The following DOCK8 variants were observed in gnomAD, a reference collection of about 807,000 sequenced individuals.
DOCK8 encodes dedicator of cytokinesis protein 8.
Under a neutral mutation model 245.6 loss-of-function variants are expected in DOCK8, and 141 were observed. That is an observed-to-expected ratio of 0.57 (90% CI 0.50 to 0.66). DOCK8 has a LOEUF of 0.66. DOCK8 is among the 30% of genes least tolerant of loss of function. The pLI, the probability that DOCK8 is intolerant of heterozygous loss-of-function variation, is 0.00. For synonymous variants in DOCK8, 1,168 were observed against 970.2 expected (o/e 1.20, Z -3.79); for missense variants, 2,965 against 2,603.4 (o/e 1.14, Z -3.02).
Position 443,610 on chromosome 9 carries a change from C to T in DOCK8, c.5580+94C>T, listed in dbSNP as rs2131824649. On this transcript the variant is annotated intron_variant, in intron 43 of 47. Coordinates refer to ENST00000432829, the MANE Select transcript of DOCK8 (RefSeq NM_203447.4). ...AATGATCTCATCTATCTGGACTCTC[C>T]AAGTCACTTAAATGCAGTCAAACCT... 4 of 1,016,778 alleles carry T rather than the reference C, an allele frequency of 3.9e-6. No individual in the cohort carries two copies. The South Asian group carries it at 4.0e-5, about 10-fold the overall frequency. The allele number at this position is 1,016,778 out of a possible 1,614,324, so 63.0% of individuals were successfully genotyped here. A position where few individuals can be genotyped will look rare whatever the true frequency, so the allele number is the denominator to read the frequency against.
intron 14 of DOCK8, chr9:365,574 C>CTTT: frequency 2.4e-6 from 1 of 424,150 alleles, no homozygotes; most frequent in South Asian, 1.7e-5. Context: ...TCAGAGAAGG[C>CTTT]TTTTTTTTTT....
At chr9:450,242 A>C (rs1011110807) in intron 45 of DOCK8, among the ~76,000 whole-genome samples, 2 of 152,198 alleles carry the variant, frequency 1.3e-5, no homozygotes, top group Admixed American at 6.5e-5. Context: ...AGTCATGTTG[A>C]AGAATGCTTA....
intron 46 of DOCK8, chr9:452,382 G>A (rs561560396): frequency 3.8e-4 from 91 of 237,020 alleles, no homozygotes; most frequent in Non-Finnish European, 4.3e-4. Flanking sequence ...TAACTAACAC[G>A]TCAACTATGA....
chr9:325,637 A>G (rs769881558), intron 7 of DOCK8, 34 bp from the exon 8 acceptor site: 2 of 1,594,032 alleles, frequency 1.3e-6, no homozygotes, highest in African/African-American at 1.3e-5. Context: ...ATCTAACTCA[A>G]AGCCACATAG....
chr9:328,068 G>T lies in DOCK8; in HGVS notation c.941G>T (p.Gly314Val), dbSNP rs372437204. ...GACCTGAACTCTGACCAGTTCAAAG[G>T]ATTTCTGCGAGCTCACACGCCTTCA... ...HCDLNSDQFK[G>V]FLRAHTPSVA... The change falls in exon 9 of 48, where the codon GGA (glycine) becomes GTA (valine). Residue 314 changes from glycine (G) to valine (V), a missense_variant. This residue lies in a region of DOCK8 where 2,825 missense variants were observed against 2,453.5 expected (regional missense o/e 1.15). Transcript: ENST00000432829. 6 of 1,614,152 alleles carry T rather than the reference G, an allele frequency of 3.7e-6. No individual in the cohort carries two copies. In the East Asian group the frequency reaches 8.9e-5, roughly 24 times the overall value.
intron 26 of DOCK8, among the ~76,000 whole-genome samples, chr9:403,967 T>TATATAC (rs2055284873): frequency 4.4e-5 from 4 of 91,122 alleles, no homozygotes; most frequent in African/African-American, 2.8e-4. Flanking sequence ...TATGTATATA[T>TATATAC]ATATATATGT....
upstream of DOCK8, among the ~76,000 whole-genome samples, chr9:211,684 G>C (rs1769285616): frequency 6.6e-6 from 1 of 152,130 alleles, no homozygotes; most frequent in Admixed American, 6.6e-5. Flanking sequence ...AAAAGTTAGA[G>C]CTGACGTATT....
chr9:227,263 G>A (rs1179258461), intron 1 of DOCK8, among the ~76,000 whole-genome samples: 1 of 152,216 alleles, frequency 6.6e-6, no homozygotes, highest in Non-Finnish European at 1.5e-5. Flanking sequence ...TATGAAAATT[G>A]GAAATTAGAC....
intron 14 of DOCK8, among the ~76,000 whole-genome samples, chr9:347,652 C>T (rs1056691233): frequency 1.3e-5 from 2 of 152,280 alleles, no homozygotes; most frequent in East Asian, 3.9e-4. Context: ...GCAGCCCAGG[C>T]AAAATCTAGT....
chr9:409,850 C>T (rs1005800553), intron 28 of DOCK8, among the ~76,000 whole-genome samples: 1 of 151,908 alleles, frequency 6.6e-6, no homozygotes, highest in Non-Finnish European at 1.5e-5. Flanking sequence ...TCAGCTTCAT[C>T]CATGTCCCTA....
At chr9:222,311 A>G (rs2046900713) in intron 1 of DOCK8, among the ~76,000 whole-genome samples, 2 of 152,150 alleles carry the variant, frequency 1.3e-5, no homozygotes, top group Admixed American at 6.5e-5. Context: ...ACTTTTCACA[A>G]TAGTGTATAG....
chr9:256,164 T>C (rs79828335), intron 1 of DOCK8, among the ~76,000 whole-genome samples: 4,885 of 152,290 alleles, frequency 0.032, 249 homozygotes, highest in African/African-American at 0.11. Context: ...GGGGAAATAG[T>C]GGATAGATCA....
intron 45 of DOCK8, 68 bp downstream of exon 45, chr9:449,995 C>T (rs958153498): frequency 8.3e-6 from 13 of 1,559,660 alleles, no homozygotes; most frequent in Non-Finnish European, 1.1e-5. Flanking sequence ...ACGTCTGCAC[C>T]CTTCTTCCTT....
At chr9:441,711 G>T (rs2057100043) in intron 41 of DOCK8, among the ~76,000 whole-genome samples, 164 bp from the exon 42 acceptor site, 1 of 152,182 alleles carries the variant, frequency 6.6e-6, no homozygotes, top group Non-Finnish European at 1.5e-5. Context: ...TATTTCTGAA[G>T]TTTATTCCAT....
upstream of DOCK8, chr9:214,520 T>C (rs1005330391): frequency 1.2e-6 from 2 of 1,613,208 alleles, no homozygotes; most frequent in East Asian, 2.2e-5. Context: ...TACGAATCCC[T>C]GGGGTGATTC....
chr9:281,414 A>C (rs1323967108), intron 2 of DOCK8, among the ~76,000 whole-genome samples: 7 of 152,354 alleles, frequency 4.6e-5, no homozygotes, highest in African/African-American at 1.7e-4. Flanking sequence ...AGGAGACCAC[A>C]TATAGCAGAA....
At position 418,125 on chromosome 9, in the gene DOCK8, G is replaced by T. The variant is rs774890293; in HGVS notation, c.3758G>T (p.Gly1253Val). Residue 1253 changes from glycine (G) to valine (V), a missense_variant, in exon 30 of 48, where the codon GGT becomes GTT. This residue lies in a region of DOCK8 where 2,825 missense variants were observed against 2,453.5 expected (regional missense o/e 1.15). Transcript: ENST00000432829. ...TCGGATGAAGAACAAGAAGGAGCCG[G>T]TGCCATTAACCAGAATGTGGCTCTG... The part of the protein sequence containing the change: ...SGSDEEQEGA[G>V]AINQNVALAI... The T allele has an allele frequency of 1.4e-5, 22 of 1,614,110 alleles. No individual in the cohort carries two copies. Among genetic ancestry groups the T allele is most frequent in the Non-Finnish European group, 1.9e-5 (22 of 1,180,054 alleles).
At chr9:332,256 A>G in intron 9 of DOCK8, 142 bp from the exon 10 acceptor site, 1 of 625,092 alleles carries the variant, frequency 1.6e-6, no homozygotes, top group Non-Finnish European at 2.8e-6. Context: ...CTTTATATAA[A>G]TTTTTTAATA....
At chr9:360,570 G>C (rs953686179) in intron 14 of DOCK8, among the ~76,000 whole-genome samples, 1 of 152,154 alleles carries the variant, frequency 6.6e-6, no homozygotes, top group Non-Finnish European at 1.5e-5. Flanking sequence ...GTTGCCATTG[G>C]CTAACTGAAA....
Sources: gnomAD v4.1 joint callset for allele counts (sites outside exome capture counted in the v4.1 genomes callset) on GRCh38, gnomAD v4.1.1 for gene constraint, gnomAD v4.1.1 regional missense constraint, MANE v1.5 for transcripts, NCBI Gene and HGNC (gene_info 2026-07-23, HGNC 2026-07-21) for gene names.